The following PCDHGA5 variants were observed in gnomAD, a reference collection of about 807,000 sequenced individuals.
PCDHGA5 encodes the protein protocadherin gamma subfamily A, 5, also known as protocadherin gamma-A5.
A neutral mutation model predicts 56.7 loss-of-function variants in PCDHGA5; 36 were observed. That is an observed-to-expected ratio of 0.64 (90% confidence interval 0.49 to 0.84). The LOEUF (loss-of-function observed/expected upper bound fraction) is 0.84, where lower values mean the gene tolerates loss of function less well. PCDHGA5 is among the 40% of genes least tolerant of loss of function. The pLI is 0.00. For missense variants in PCDHGA5, 1,305 were observed against 1,201.5 expected (o/e 1.09, Z -1.27); for synonymous variants, 563 against 520.2 (o/e 1.08, Z -1.12).
At position 141,403,421 on chromosome 5, in the gene PCDHGA5, G is replaced by A. The variant is rs773369451; in HGVS notation, c.2421+36670G>A. ...TGGAGCACGTTATCCACTTCCAGAA[G>A]CTATTGATCCGGATGTTGGCGTGAA... On this transcript the variant is annotated intron_variant, in intron 1 of 3. Coordinates refer to ENST00000518069, the MANE Select transcript of PCDHGA5 (RefSeq NM_018918.3). 11 of 1,614,038 alleles carry A rather than the reference G, an allele frequency of 6.8e-6. No individual in the cohort carries two copies. In the East Asian group the frequency reaches 2.5e-4, roughly 36 times the overall value.
intron 1 of PCDHGA5, among the ~76,000 whole-genome samples, chr5:141,445,871 T>C (rs1318495005): frequency 6.6e-6 from 1 of 152,198 alleles, no homozygotes; most frequent in Non-Finnish European, 1.5e-5. Context: ...TTGTTCTAAA[T>C]ACCCTTGTAC....
At chr5:141,426,925 A>G in intron 1 of PCDHGA5, 1 of 456,756 alleles carries the variant, frequency 2.2e-6, no homozygotes, top group Non-Finnish European at 4.4e-6. Flanking sequence ...GAAGCAATGG[A>G]CATGGGTGAC....
chr5:141,477,804 A>G lies in PCDHGA5; in HGVS notation c.2422-17003A>G. The G allele has an allele frequency of 6.2e-7, 1 of 1,614,088 alleles. No individual in the cohort carries two copies. ...ATATTTGTCACTGATCGCAATGACA[A>G]TGCCCCCCAGGTCCTATATCCTCGG... On this transcript the variant is annotated intron_variant, in intron 1 of 3. Transcript: ENST00000518069. The surrounding 1 kb of genome is among the most constrained non-coding windows in gnomAD (Gnocchi z 4.9).
intron 1 of PCDHGA5, chr5:141,388,885 A>G (rs1359019533): frequency 1.9e-6 from 3 of 1,614,002 alleles, no homozygotes; most frequent in East Asian, 2.2e-5. Context: ...GTGGAGGTAG[A>G]AGTCATAGAT....
At chr5:141,450,549 C>T (rs1414500813) in intron 1 of PCDHGA5, among the ~76,000 whole-genome samples, 2 of 151,756 alleles carry the variant, frequency 1.3e-5, no homozygotes, top group Non-Finnish European at 2.9e-5. Context: ...TGCAGTGGCG[C>T]AGTCTCGGCT....
chr5:141,446,130 CTT>C (rs1191897284), intron 1 of PCDHGA5, among the ~76,000 whole-genome samples: 2 of 152,076 alleles, frequency 1.3e-5, no homozygotes, highest in African/African-American at 4.8e-5. Context: ...TTCAATAAGA[CTT>C]AATAATGGAA....
chr5:141,383,563 C>A, intron 1 of PCDHGA5: 2 of 1,613,150 alleles, frequency 1.2e-6, no homozygotes, highest in Non-Finnish European at 1.7e-6. Context: ...CGACCCGCCC[C>A]GATCCAGCAC....
rs538812851 is a variant in PCDHGA5, at chr5:141,364,224, C to A, written c.-107C>A. On this transcript the variant is annotated 5_prime_UTR_variant, in exon 1 of 4. Coordinates refer to ENST00000518069, the MANE Select transcript of PCDHGA5 (RefSeq NM_018918.3). Reference sequence around the variant, plus strand: ...CAGACAAGCTCCTACGAAAAGCCAACGCTCCACGCCCATTTTCGTCAGGGA... The same window carrying A: ...CAGACAAGCTCCTACGAAAAGCCAAAGCTCCACGCCCATTTTCGTCAGGGA... The A allele has an allele frequency of 1.5e-6, 2 of 1,356,132 alleles. No individual in the cohort carries two copies. Among genetic ancestry groups the A allele is most frequent in the East Asian group, 5.0e-5 (2 of 39,750 alleles). 84.0% of individuals were successfully genotyped at this position (1,356,132 alleles called of 1,614,324 possible).
chr5:141,431,474 G>A lies in PCDHGA5; in HGVS notation c.2422-63333G>A, dbSNP rs747313827. 2 of 1,613,842 alleles carry A rather than the reference G, an allele frequency of 1.2e-6. No homozygotes were observed. Among genetic ancestry groups the A allele is most frequent in the East Asian group, 4.5e-5 (2 of 44,886 alleles). ...GATGGTTCTGGATGCGAACGACAACGCACCAGCGTTTGCTCAGCCCGAGTA... is the reference window on the plus strand; with the variant it reads ...GATGGTTCTGGATGCGAACGACAACACACCAGCGTTTGCTCAGCCCGAGTA... On this transcript the variant is annotated intron_variant, in intron 1 of 3. Coordinates refer to ENST00000518069, the MANE Select transcript of PCDHGA5 (RefSeq NM_018918.3). This position sits in a 1 kb window ranked among gnomAD's most constrained non-coding sequence, Gnocchi z 4.8.
In PCDHGA5 at chr5:141,398,254, A is replaced by G. The variant is rs868152545; in HGVS notation, c.2421+31503A>G. 5.5e-6 allele frequency: 8 copies of G among 1,465,970 alleles called. No homozygotes were observed. In the African/African-American group the frequency reaches 8.6e-5, roughly 16 times the overall value. The allele number at this position is 1,465,970 out of a possible 1,614,324, so 90.8% of individuals were successfully genotyped here. On this transcript the variant is annotated intron_variant, in intron 1 of 3. Transcript: ENST00000518069. ...CTACAGGATTCCCGAGGAAATGCCC[A>G]AGGGCTCCGTAGTGGGGAACCTCGC... is the stretch of plus-strand genomic sequence containing the variant.
At position 141,364,258 on chromosome 5, in the gene PCDHGA5, C is replaced by G; in HGVS notation, c.-73C>G. On this transcript the variant is annotated 5_prime_UTR_variant, in exon 1 of 4. Transcript: ENST00000518069. Reference sequence around the variant, plus strand: ...CCCATTTTCGTCAGGGAATATGTACCCATCGGCTTTAGATAAATAAGGAAA... The same window carrying G: ...CCCATTTTCGTCAGGGAATATGTACGCATCGGCTTTAGATAAATAAGGAAA... 1 of 1,497,150 alleles carries G rather than the reference C, an allele frequency of 6.7e-7. No homozygotes were observed. Among genetic ancestry groups the G allele is most frequent in the East Asian group, 2.3e-5 (1 of 43,564 alleles). 92.7% of individuals were successfully genotyped at this position (1,497,150 alleles called of 1,614,324 possible). A position where few individuals can be genotyped will look rare whatever the true frequency, so the allele number is the denominator to read the frequency against.
At chr5:141,390,529 T>C in intron 1 of PCDHGA5, 1 of 537,128 alleles carries the variant, frequency 1.9e-6, no homozygotes, top group Non-Finnish European at 3.3e-6. Context: ...GAGGGTGTGG[T>C]TTTAACCACA....
Position 141,364,713 on chromosome 5 carries a change from A to G in PCDHGA5, c.383A>G (p.Asp128Gly). 1 of 1,613,984 alleles carries G rather than the reference A, an allele frequency of 6.2e-7. No individual in the cohort carries two copies. The highest frequency in any genetic ancestry group is 8.5e-7 in the Non-Finnish European group (1 of 1,179,880). ...GAAGTAGAAATAATCGATATTAATG[A>G]TAACTTCCCGCGTTTCCGGGATGAA... ...GVEVEIIDIN[D>G]NFPRFRDEEL... Residue 128 changes from aspartate (D) to glycine (G), a missense_variant, in exon 1 of 4, where the codon GAT (aspartate) becomes GGT (glycine). Transcript: ENST00000518069.
At chr5:141,370,208 G>T (rs1418210186) in intron 1 of PCDHGA5, 3 of 550,220 alleles carry the variant, frequency 5.5e-6, no homozygotes, top group African/African-American at 1.9e-5. Flanking sequence ...CAAAATATTG[G>T]CTCCTCCCGC....
intron 1 of PCDHGA5, among the ~76,000 whole-genome samples, chr5:141,492,802 G>A (rs1490284966): frequency 6.6e-6 from 1 of 152,234 alleles, no homozygotes; most frequent in Non-Finnish European, 1.5e-5. Flanking sequence ...GCAGGACTGG[G>A]ACTCCAGTGG....
chr5:141,511,793 G>A lies in PCDHGA5; in HGVS notation c.*620G>A, dbSNP rs2099883948. The stretch of plus-strand genomic sequence containing the variant: ...TACTGATGCTTGCTGGATTTAGGGA[G>A]GGCATTTTGCTACCAAGCCTCTTCC... On this transcript the variant is annotated 3_prime_UTR_variant, in exon 4 of 4. Coordinates refer to ENST00000518069, the MANE Select transcript of PCDHGA5 (RefSeq NM_018918.3). 6.4e-6 allele frequency: 1 copy of A among 157,066 alleles called. No homozygotes were observed. The highest frequency in any genetic ancestry group is 2.4e-5 in the African/African-American group (1 of 41,492). 9.7% of individuals were successfully genotyped at this position (157,066 alleles called of 1,614,324 possible). A position where few individuals can be genotyped will look rare whatever the true frequency, so the allele number is the denominator to read the frequency against.
At position 141,487,741 on chromosome 5, in the gene PCDHGA5, A is replaced by C. The variant is rs773413559; in HGVS notation, c.2422-7066A>C. 1.6e-4 allele frequency: 247 copies of C among 1,561,638 alleles called. 1 individual carries two copies. The highest frequency in any genetic ancestry group is 2.1e-4 in the Non-Finnish European group (244 of 1,151,698). On this transcript the variant is annotated intron_variant, in intron 1 of 3. Coordinates refer to ENST00000518069, the MANE Select transcript of PCDHGA5 (RefSeq NM_018918.3). This position sits in a 1 kb window ranked among gnomAD's most constrained non-coding sequence, Gnocchi z 5.0. ...ATAGTGATGTCACCATTTTTGTAAG[A>C]GGTAACTATGTGGTAGACGCTGTGC... is the stretch of plus-strand genomic sequence containing the variant.
At position 141,365,444 on chromosome 5, in the gene PCDHGA5, C is replaced by G. The variant is rs771471249; in HGVS notation, c.1114C>G (p.His372Asp). 3 of 1,613,872 alleles carry G rather than the reference C, an allele frequency of 1.9e-6. No homozygotes were observed. The highest frequency in any genetic ancestry group is 3.3e-5 in the Admixed American group (2 of 60,006). Residue 372 changes from histidine (H) to aspartate (D), a missense_variant, in exon 1 of 4, where the codon CAT (histidine) becomes GAT (aspartate). Coordinates refer to ENST00000518069, the MANE Select transcript of PCDHGA5 (RefSeq NM_018918.3). ...AACTGTAATCGCGCTGTTTAGCGTACATGATGGTGATTCTGGAGAAAATGG... is the reference window on the plus strand; with the variant it reads ...AACTGTAATCGCGCTGTTTAGCGTAGATGATGGTGATTCTGGAGAAAATGG... The part of the protein sequence containing the change: ...PGTVIALFSV[H>D]DGDSGENGEI...
chr5:141,408,430 C>T, intron 1 of PCDHGA5: 2 of 1,614,012 alleles, frequency 1.2e-6, no homozygotes, highest in South Asian at 1.1e-5. Context: ...TGCACTTCAG[C>T]GTAGACGCGG....
Sources: gnomAD v4.1 joint callset for allele counts (sites outside exome capture counted in the v4.1 genomes callset) on GRCh38, gnomAD v4.1.1 for gene constraint, Gnocchi (gnomAD v3.1) non-coding constraint, MANE v1.5 for transcripts, NCBI Gene and HGNC (gene_info 2026-07-23, HGNC 2026-07-21) for gene names.